EP300: variants seen among roughly 807,000 people sequenced by gnomAD.
The protein encoded by EP300 is histone acetyltransferase p300.
Under a neutral mutation model 264.0 loss-of-function variants are expected in EP300, and 31 were observed. That is an observed-to-expected ratio of 0.12 (90% CI 0.09 to 0.16). The LOEUF (loss-of-function observed/expected upper bound fraction) is 0.16. Ranked by LOEUF, EP300 falls within the 10% of genes least tolerant of loss-of-function variation. EP300 has a pLI of 1.00. For synonymous variants in EP300, 1,340 were observed against 1,045.4 expected, an observed-to-expected ratio of 1.28 and a Z score of -5.44; for missense variants, 2,766 against 3,052.9, an observed-to-expected ratio of 0.91 and a Z score of 2.21.
chr22:41,180,018 A>ATAGAC lies in EP300; in HGVS notation c.*1064_*1068dup, dbSNP rs2059234670. 1 of 231,492 alleles carries ATAGAC rather than the reference A, an allele frequency of 4.3e-6. No homozygotes were observed. The highest frequency in any genetic ancestry group is 1.8e-4 in the South Asian group (1 of 5,522). 14.3% of individuals were successfully genotyped at this position (231,492 alleles called of 1,614,324 possible). ...ATAAATATGAACTTTGGATCACTGT[A>ATAGAC]TAGACTGTTAAATTTGATTTCTTAT... is the stretch of plus-strand genomic sequence containing the variant. On this transcript the variant is annotated 3_prime_UTR_variant, in exon 31 of 31. Transcript: ENST00000263253.
intron 1 of EP300, among the ~76,000 whole-genome samples, chr22:41,094,212 G>C (rs760052835): frequency 2.0e-5 from 3 of 152,160 alleles, no homozygotes; most frequent in African/African-American, 7.2e-5. Flanking sequence ...CAGTCCACAA[G>C]ATGTTCCCCT....
Position 41,117,955 on chromosome 22 carries a change from T to A in EP300, c.729+134T>A, listed in dbSNP as rs974072092. On this transcript the variant is annotated intron_variant, in intron 2 of 30. Transcript: ENST00000263253. ...GGAATTTACTGTGCTGTCATAAGTT[T>A]TAAGAAGTGCCTGTATTTAAGTAAA... is the stretch of plus-strand genomic sequence containing the variant. The A allele has an allele frequency of 1.2e-5, 17 of 1,412,028 alleles. No homozygotes were observed. In the Admixed American group the frequency reaches 3.3e-4, roughly 28 times the overall value. The allele number at this position is 1,412,028 out of a possible 1,614,324, so 87.5% of individuals were successfully genotyped here.
At chr22:41,113,712 A>C (rs990512587) in intron 1 of EP300, among the ~76,000 whole-genome samples, 1 of 151,900 alleles carries the variant, frequency 6.6e-6, no homozygotes, top group East Asian at 1.9e-4. Flanking sequence ...ACGCCCTGCT[A>C]ATTTTTTGTA....
At chr22:41,158,941 G>A (rs1342957142) in intron 19 of EP300, 1 of 173,008 alleles carries the variant, frequency 5.8e-6, no homozygotes, top group Non-Finnish European at 1.3e-5. Context: ...ATGAAAACAG[G>A]ATTCTGGAGT....
At chr22:41,118,423 G>A (rs1430488912) in intron 2 of EP300, among the ~76,000 whole-genome samples, 1 of 152,134 alleles carries the variant, frequency 6.6e-6, no homozygotes, top group Non-Finnish European at 1.5e-5. Flanking sequence ...ACATAAATAA[G>A]GCATAATCAC....
At chr22:41,140,293 T>C (rs760090370) in intron 9 of EP300, 36 bp downstream of exon 9, 1 of 1,349,252 alleles carries the variant, frequency 7.4e-7, no homozygotes, top group Admixed American at 1.7e-5. Flanking sequence ...ATAGCCAAGA[T>C]TGAACCTGTT....
chr22:41,157,112 C>A (rs1270414554), intron 17 of EP300, 57 bp from the exon 18 acceptor site: 1 of 1,606,682 alleles, frequency 6.2e-7, no homozygotes, highest in Non-Finnish European at 8.5e-7. Flanking sequence ...GATGATACTC[C>A]ATCTCCCGTA....
intron 20 of EP300, 120 bp downstream of exon 20, chr22:41,160,842 T>G (rs1175899230): frequency 7.7e-6 from 7 of 909,584 alleles, no homozygotes; most frequent in Non-Finnish European, 1.1e-5. Context: ...AGCCACATGT[T>G]GCTATTTAAA....
chr22:41,170,636 T>C, intron 27 of EP300, 65 bp downstream of exon 27: 2 of 1,410,250 alleles, frequency 1.4e-6, no homozygotes, highest in Middle Eastern at 3.6e-4. Flanking sequence ...GTTGCTGCTC[T>C]TTGTTCTGTC....
At chr22:41,097,019 A>G (rs2058706283) in intron 1 of EP300, among the ~76,000 whole-genome samples, 1 of 152,152 alleles carries the variant, frequency 6.6e-6, no homozygotes, top group Non-Finnish European at 1.5e-5. Flanking sequence ...GTAACTTGTG[A>G]TATGCTATGT....
chr22:41,108,421 G>C (rs9623324), intron 1 of EP300, among the ~76,000 whole-genome samples: 1 of 151,468 alleles, frequency 6.6e-6, no homozygotes, highest in Non-Finnish European at 1.5e-5. Context: ...GCTAATTTTC[G>C]TATTTTTTTG....
intron 2 of EP300, among the ~76,000 whole-genome samples, chr22:41,122,696 C>T (rs192719962): frequency 6.6e-6 from 1 of 150,854 alleles, no homozygotes; most frequent in East Asian, 1.9e-4. Context: ...TAGAGGCAAA[C>T]TGCTGAACCA....
At position 41,129,966 on chromosome 22, in the gene EP300, C is replaced by T. The variant is rs1298922944; in HGVS notation, c.1245C>T (p.Leu415=). The change falls in exon 5 of 31, where the codon CTC becomes CTT. Residue 415 remains leucine, a synonymous_variant. Coordinates refer to ENST00000263253, the MANE Select transcript of EP300 (RefSeq NM_001429.4). Reference sequence around the variant, plus strand: ...CAAGACATGATTGTCCTGTGTGTCTCCCCCTCAAAAATGCTGGTGATAAGA... The same window carrying T: ...CAAGACATGATTGTCCTGTGTGTCTTCCCCTCAAAAATGCTGGTGATAAGA... The part of the protein sequence containing the change: ...NCTRHDCPVC[L]PLKNAGDKRN... 3.1e-6 allele frequency: 5 copies of T among 1,613,824 alleles called. No individual in the cohort carries two copies. Among genetic ancestry groups the T allele is most frequent in the Admixed American group, 1.7e-5 (1 of 60,004 alleles).
rs137911836 is a variant in EP300 at position 41,121,070 on chromosome 22, G to C, written c.729+3249G>C. Among the ~76,000 whole-genome samples, 133 of 152,292 alleles carry C rather than the reference G, an allele frequency of 8.7e-4. 1 individual carries two copies. Among genetic ancestry groups the C allele is most frequent in the Admixed American group, 4.3e-3 (65 of 15,276 alleles). The stretch of plus-strand genomic sequence containing the variant: ...TGTATTCCTACCGCTTTGGGAGGCT[G>C]AGGCAGGAGGATCTCTTGAAGCCAG... On this transcript the variant is annotated intron_variant, in intron 2 of 30. Coordinates refer to ENST00000263253, the MANE Select transcript of EP300 (RefSeq NM_001429.4).
At chr22:41,107,374 A>C (rs747817476) in intron 1 of EP300, among the ~76,000 whole-genome samples, 1 of 152,142 alleles carries the variant, frequency 6.6e-6, no homozygotes, top group Non-Finnish European at 1.5e-5. Context: ...TTTTACCTAA[A>C]GTACAAAGGT....
At chr22:41,119,181 T>A (rs142451225) in intron 2 of EP300, among the ~76,000 whole-genome samples, 1,526 of 117,280 alleles carry the variant, frequency 0.013, 44 homozygotes, top group African/African-American at 0.049. Context: ...TATTATTTTT[T>A]TTTTTTTTTT....
chr22:41,160,390 T>G (rs1181797496), intron 19 of EP300: 1 of 459,570 alleles, frequency 2.2e-6, no homozygotes, highest in African/African-American at 2.0e-5. Context: ...TCCCTCATGC[T>G]TGTCGTTGTC....
intron 16 of EP300, among the ~76,000 whole-genome samples, chr22:41,153,586 C>T (rs2059059583): frequency 1.3e-5 from 2 of 152,040 alleles, no homozygotes; most frequent in South Asian, 4.2e-4. Context: ...TCTGTCTCTA[C>T]TAAAAGTACA....
At chr22:41,114,610 G>A (rs897848499) in intron 1 of EP300, among the ~76,000 whole-genome samples, 1 of 152,210 alleles carries the variant, frequency 6.6e-6, no homozygotes, top group Admixed American at 6.5e-5. Context: ...ATGACCACAT[G>A]TTGGTTTAGT....
Sources: gnomAD v4.1 joint callset for allele counts (sites outside exome capture counted in the v4.1 genomes callset) on GRCh38, gnomAD v4.1.1 for gene constraint, MANE v1.5 for transcripts, NCBI Gene and HGNC (gene_info 2026-07-23, HGNC 2026-07-21) for gene names.